The following PCDH7 variants were observed in gnomAD, a reference collection of about 807,000 sequenced individuals.
PCDH7 encodes protocadherin 7.
A neutral mutation model predicts 58.9 loss-of-function variants in PCDH7; 17 were observed. The observed-to-expected ratio is 0.29, with a 90% CI of 0.20 to 0.43. PCDH7 has a LOEUF of 0.43. Ranked by LOEUF, PCDH7 falls within the 20% of genes least tolerant of loss-of-function variation. The probability of loss-of-function intolerance (pLI) is 1.00; values close to 1 mark genes in which losing one functional copy is unlikely to be tolerated. For missense variants in PCDH7, 1,274 were observed against 1,441.0 expected (o/e 0.88, Z 1.88); for synonymous variants, 664 against 616.4 (o/e 1.08, Z -1.14).
chr4:31,061,807 G>A lies in PCDH7; in HGVS notation c.*8-80666G>A, dbSNP rs942583462. Among the ~76,000 whole-genome samples the A allele has an allele frequency of 2.2e-4, 34 of 151,836 alleles. 1 individual carries two copies. Among genetic ancestry groups the A allele is most frequent in the Admixed American group, 2.1e-3 (32 of 15,210 alleles). On this transcript the variant is annotated intron_variant, in intron 3 of 3. Transcript: ENST00000509759. ...TTTTCATTGAAATGATTGCTGGTTT[G>A]ACTGAGCTGACCTTTGCTTTAAATC...
intron 3 of PCDH7, among the ~76,000 whole-genome samples, chr4:31,081,921 C>A (rs1051300529): frequency 2.0e-5 from 3 of 151,982 alleles, no homozygotes; most frequent in Non-Finnish European, 2.9e-5. Flanking sequence ...TACAGGCCCA[C>A]GCCACCAAGG....
intron 1 of PCDH7, among the ~76,000 whole-genome samples, 168 bp from the exon 2 acceptor site, chr4:30,919,985 C>T (rs1362405457): frequency 1.3e-5 from 2 of 152,114 alleles, no homozygotes; most frequent in Non-Finnish European, 2.9e-5. Context: ...AAGCTCTAGA[C>T]ATTGCCTTAG....
downstream of PCDH7, chr4:31,146,663 G>A (rs1720699031): frequency 6.6e-6 from 1 of 152,032 alleles, no homozygotes; most frequent in South Asian, 2.1e-4. Context: ...TGCTTAACAT[G>A]GCGAAATGTA....
intron 3 of PCDH7, among the ~76,000 whole-genome samples, chr4:30,953,105 C>G (rs1200662804): frequency 1.3e-5 from 2 of 151,984 alleles, no homozygotes; most frequent in Non-Finnish European, 2.9e-5. Flanking sequence ...TGCATGCACC[C>G]CTTAACACCA....
intron 3 of PCDH7, among the ~76,000 whole-genome samples, chr4:31,106,975 C>T (rs992111072): frequency 6.6e-6 from 1 of 152,326 alleles, no homozygotes; most frequent in African/African-American, 2.4e-5. Context: ...CTATCCTACT[C>T]ATACTAATAA....
chr4:31,009,804 G>A (rs1333394792), intron 3 of PCDH7, among the ~76,000 whole-genome samples: 1 of 151,808 alleles, frequency 6.6e-6, no homozygotes, highest in Non-Finnish European at 1.5e-5. Flanking sequence ...TACTGTTGAG[G>A]GTGATAAAGA....
chr4:31,002,569 T>C (rs1330936107), intron 3 of PCDH7, among the ~76,000 whole-genome samples: 6 of 152,194 alleles, frequency 3.9e-5, no homozygotes, highest in Admixed American at 1.3e-4. Flanking sequence ...GGAATGGAGA[T>C]GTAATCCCAG....
chr4:30,964,244 TTA>T (rs200049661), intron 3 of PCDH7, among the ~76,000 whole-genome samples: 1 of 42,998 alleles, frequency 2.3e-5, no homozygotes, highest in East Asian at 6.7e-4. Flanking sequence ...ATTTATTTAT[TTA>T]TTTATTTTTT....
At chr4:31,080,635 C>T (rs1560629274) in intron 3 of PCDH7, among the ~76,000 whole-genome samples, 1 of 152,018 alleles carries the variant, frequency 6.6e-6, no homozygotes, top group Non-Finnish European at 1.5e-5. Context: ...TTTATTCATG[C>T]CTTATGGAAA....
chr4:31,040,420 A>G (rs1755763549), intron 3 of PCDH7, among the ~76,000 whole-genome samples: 1 of 152,224 alleles, frequency 6.6e-6, no homozygotes, highest in East Asian at 1.9e-4. Context: ...GTGTTCATAA[A>G]GGGAAAGGAT....
downstream of PCDH7, chr4:31,143,919 G>A (rs1048668365): frequency 2.0e-5 from 3 of 152,136 alleles, no homozygotes; most frequent in Non-Finnish European, 4.4e-5. Flanking sequence ...TAGGCAATTG[G>A]TTGAGGTTCA....
At chr4:31,097,638 A>ATATATATATAAATC (rs370034723) in intron 3 of PCDH7, among the ~76,000 whole-genome samples, 1 of 79,208 alleles carries the variant, frequency 1.3e-5, no homozygotes, top group African/African-American at 5.8e-5. Flanking sequence ...ATATATATAT[A>ATATATATATAAATC]AATCTTTTTT....
chr4:31,113,831 C>CTTTTTTTT (rs35105911), intron 3 of PCDH7, among the ~76,000 whole-genome samples: 1 of 107,496 alleles, frequency 9.3e-6, no homozygotes, highest in Non-Finnish European at 1.8e-5. Flanking sequence ...GTTAACCTTT[C>CTTTTTTTT]TTTTTTTTTT....
chr4:30,835,314 AGCTCTGTCTCCTGC>A (rs1320157737), intron 1 of PCDH7, among the ~76,000 whole-genome samples: 84 of 152,264 alleles, frequency 5.5e-4, no homozygotes, highest in African/African-American at 2.0e-3. Context: ...TTACTGCCTG[AGCTCTGTCTCCTGC>A]CAGACGAGCG....
intron 3 of PCDH7, among the ~76,000 whole-genome samples, chr4:31,129,321 C>T (rs779278673): frequency 2.0e-5 from 3 of 152,114 alleles, no homozygotes; most frequent in African/African-American, 2.4e-5. Flanking sequence ...AAATCTTGAA[C>T]GAGATGCCTT....
intron 3 of PCDH7, among the ~76,000 whole-genome samples, chr4:31,074,655 A>C (rs763019284): frequency 2.6e-5 from 4 of 151,606 alleles, no homozygotes; most frequent in Admixed American, 6.6e-5. Flanking sequence ...ATGGTGGCAC[A>C]TGCTTGTATT....
rs543118945 is a variant in PCDH7, at chr4:30,724,398, G to A, written c.2976G>A (p.Leu992=). The stretch of plus-strand genomic sequence containing the variant: ...ATGGTGGGCCCGGCAGTCCTGACCT[G>A]GCAAGGCATTACAAATCTAGTTCCC... The change falls in exon 1 of 2, where the codon CTG becomes CTA. Residue 992 remains leucine, a synonymous_variant. Transcript: ENST00000361762. 8.1e-6 allele frequency: 13 copies of A among 1,614,052 alleles called. No individual in the cohort carries two copies. In the Admixed American group the frequency reaches 1.3e-4, roughly 17 times the overall value.
Position 30,739,230 on chromosome 4 carries a change from T to C in PCDH7, c.70+14634T>C, listed in dbSNP as rs180775149. ...TTTGTGAGGGTAATACAGGATAAAC[T>C]CATCAAAGTCCAGAAGGGGAAATTC... On this transcript the variant is annotated intron_variant, in intron 1 of 3. Transcript: ENST00000509759. Among the ~76,000 whole-genome samples the C allele has an allele frequency of 4.1e-3, 607 of 149,372 alleles. 4 individuals are homozygous for C. Among genetic ancestry groups the C allele is most frequent in the African/African-American group, 0.014 (563 of 40,736 alleles).
chr4:30,957,193 G>A (rs12640768), intron 3 of PCDH7, among the ~76,000 whole-genome samples: 28,710 of 151,936 alleles, frequency 0.19, 3,413 homozygotes, highest in South Asian at 0.26. Context: ...AATCACAAAC[G>A]TTAACCAGAC....
Sources: allele counts gnomAD v4.1 joint callset (sites outside exome capture counted in the v4.1 genomes callset), GRCh38; gene constraint gnomAD v4.1.1; transcripts MANE v1.5; gene names NCBI Gene and HGNC (gene_info 2026-07-23, HGNC 2026-07-21).